The following NPAS2 variants were observed in gnomAD, a reference collection of about 807,000 sequenced individuals.
The protein encoded by NPAS2 is neuronal PAS domain protein 2, also known as neuronal PAS domain-containing protein 2.
Under a neutral mutation model 107.5 loss-of-function variants are expected in NPAS2, and 23 were observed. The ratio of observed to expected loss-of-function variants is 0.21; its 90% confidence interval spans 0.15 to 0.30. The LOEUF is 0.30. NPAS2 is among the 10% of genes least tolerant of loss of function. NPAS2 has a pLI of 1.00. For missense variants in NPAS2, 756 were observed against 1,043.3 expected (o/e 0.72, Z 3.79); for synonymous variants, 403 against 417.5 (o/e 0.97, Z 0.42).
At chr2:100,918,803 G>A (rs1304201107) in intron 2 of NPAS2, among the ~76,000 whole-genome samples, 1 of 152,198 alleles carries the variant, frequency 6.6e-6, no homozygotes, top group Non-Finnish European at 1.5e-5. Flanking sequence ...TGGTAGGGAG[G>A]TAAAATGGCA....
At chr2:100,943,494 A>T (rs141028918) in intron 5 of NPAS2, among the ~76,000 whole-genome samples, 108 of 152,342 alleles carry the variant, frequency 7.1e-4, no homozygotes, top group Non-Finnish European at 1.3e-3. Context: ...GGTAATGCGG[A>T]TGTCTGAAGA....
intron 1 of NPAS2, among the ~76,000 whole-genome samples, chr2:100,851,775 G>A (rs2104476200): frequency 6.6e-6 from 1 of 152,314 alleles, no homozygotes; most frequent in South Asian, 2.1e-4. Flanking sequence ...ATTAATAGTG[G>A]TTGTCTGGGG....
chr2:100,835,030 CATA>C (rs1676971298), intron 1 of NPAS2, among the ~76,000 whole-genome samples: 1 of 152,052 alleles, frequency 6.6e-6, no homozygotes, highest in Non-Finnish European at 1.5e-5. Context: ...ATCATTTTTC[CATA>C]ACAATTTAGG....
In NPAS2 at chr2:100,996,018, G is replaced by A; in HGVS notation, c.*436G>A. Reference sequence around the variant, plus strand: ...AGGACTGGGTCAGAGATCTGTTGGAGAGAGAGAATAAAGAGATTATTTTTC... The same window carrying A: ...AGGACTGGGTCAGAGATCTGTTGGAAAGAGAGAATAAAGAGATTATTTTTC... On this transcript the variant is annotated 3_prime_UTR_variant, in exon 21 of 21. Coordinates refer to ENST00000335681, the MANE Select transcript of NPAS2 (RefSeq NM_002518.4). 2.6e-6 allele frequency: 3 copies of A among 1,146,582 alleles called. No homozygotes were observed. Among genetic ancestry groups the A allele is most frequent in the Non-Finnish European group, 3.4e-6 (3 of 894,954 alleles). The allele number at this position is 1,146,582 out of a possible 1,614,324, so 71.0% of individuals were successfully genotyped here. A position where few individuals can be genotyped will look rare whatever the true frequency, so the allele number is the denominator to read the frequency against.
chr2:100,963,097 G>A (rs539167950), intron 7 of NPAS2, among the ~76,000 whole-genome samples: 40 of 152,354 alleles, frequency 2.6e-4, no homozygotes, highest in South Asian at 1.2e-3. Flanking sequence ...TGTTGTAGGC[G>A]TTGTGTTCCT....
intron 10 of NPAS2, among the ~76,000 whole-genome samples, chr2:100,966,245 T>C (rs1676205905): frequency 6.6e-6 from 1 of 151,976 alleles, no homozygotes; most frequent in Non-Finnish European, 1.5e-5. Flanking sequence ...ATGGGTGACT[T>C]TGTGGGATGT....
chr2:100,957,311 C>T (rs1675627071), intron 7 of NPAS2, among the ~76,000 whole-genome samples: 1 of 152,198 alleles, frequency 6.6e-6, no homozygotes, highest in Non-Finnish European at 1.5e-5. Flanking sequence ...CTATTCTCTT[C>T]CCCTGAAAAG....
chr2:100,826,128 T>C (rs1308713113), intron 1 of NPAS2, among the ~76,000 whole-genome samples: 3 of 152,196 alleles, frequency 2.0e-5, no homozygotes, highest in Non-Finnish European at 4.4e-5. Flanking sequence ...CGCATTTACA[T>C]ATACACACAC....
chr2:100,981,043 G>C (rs1367467127), intron 15 of NPAS2, among the ~76,000 whole-genome samples: 1 of 152,106 alleles, frequency 6.6e-6, no homozygotes, highest in Non-Finnish European at 1.5e-5. Flanking sequence ...GGCACCTGAG[G>C]GTCTCTGCAC....
chr2:100,840,319 T>C (rs1677317682), intron 1 of NPAS2, among the ~76,000 whole-genome samples: 1 of 152,172 alleles, frequency 6.6e-6, no homozygotes, highest in South Asian at 2.1e-4. Context: ...CAGCGAAGAC[T>C]GTAGGTTCCC....
At chr2:100,979,928 C>T (rs547788260) in intron 15 of NPAS2, among the ~76,000 whole-genome samples, 6 of 152,248 alleles carry the variant, frequency 3.9e-5, no homozygotes, top group Non-Finnish European at 7.4e-5. Flanking sequence ...TGTGAAACAA[C>T]GAGATTCTGG....
chr2:100,844,481 G>A (rs540244988), intron 1 of NPAS2, among the ~76,000 whole-genome samples: 2 of 152,246 alleles, frequency 1.3e-5, no homozygotes, highest in Admixed American at 1.3e-4. Context: ...AGGAGGAGGG[G>A]CCCGTGATTC....
chr2:100,852,976 A>G (rs961112821), intron 1 of NPAS2, among the ~76,000 whole-genome samples: 1 of 152,234 alleles, frequency 6.6e-6, no homozygotes, highest in South Asian at 2.1e-4. Context: ...TTAAGTATTA[A>G]ATTAGCAAGC....
chr2:100,892,814 T>C (rs1382630661), intron 1 of NPAS2, among the ~76,000 whole-genome samples: 1 of 152,092 alleles, frequency 6.6e-6, no homozygotes, highest in Non-Finnish European at 1.5e-5. Context: ...TTGGCTCAGG[T>C]TCGAGTAATT....
chr2:100,891,227 A>T (rs1266944659), intron 1 of NPAS2, among the ~76,000 whole-genome samples: 1 of 148,452 alleles, frequency 6.7e-6, no homozygotes, highest in Non-Finnish European at 1.5e-5. Flanking sequence ...ATGAGACTCC[A>T]TCTCAAAAAA....
chr2:100,982,781 G>T (rs1026627740), intron 16 of NPAS2: 3 of 196,732 alleles, frequency 1.5e-5, no homozygotes, highest in Non-Finnish European at 3.1e-5. Flanking sequence ...AAGCAGCTCT[G>T]TTGTTTCTCA....
At position 100,953,732 on chromosome 2, in the gene NPAS2, CCA is replaced by C. The variant is rs751324351; in HGVS notation, c.598+4256_598+4257del. Among the ~76,000 whole-genome samples the C allele has an allele frequency of 2.0e-4, 30 of 152,116 alleles. 1 individual carries two copies. Among genetic ancestry groups the C allele is most frequent in the Non-Finnish European group, 7.3e-5 (5 of 68,034 alleles). On this transcript the variant is annotated intron_variant, in intron 7 of 20. Transcript: ENST00000335681. ...ACAGCCAGACCCTCTAACCCGGAGC[CCA>C]CACTCTTCACCCCAGTGCCTGCTGC...
At position 100,995,414 on chromosome 2, in the gene NPAS2, C is replaced by T. The variant is rs1319840061; in HGVS notation, c.2307C>T (p.Thr769=). Residue 769 remains threonine, a synonymous_variant, in exon 21 of 21, where the codon ACC becomes ACT. Coordinates refer to ENST00000335681, the MANE Select transcript of NPAS2 (RefSeq NM_002518.4). Reference sequence around the variant, plus strand: ...TTTTTTTCTAGGTACAGGCACCAACCTCTTTGCACAGTGAGCAGCAGGACT... The same window carrying T: ...TTTTTTTCTAGGTACAGGCACCAACTTCTTTGCACAGTGAGCAGCAGGACT... ...PQHYLQVQAP[T]SLHSEQQDSL... 5 of 1,613,058 alleles carry T rather than the reference C, an allele frequency of 3.1e-6. No homozygotes were observed. Among genetic ancestry groups the T allele is most frequent in the Non-Finnish European group, 3.4e-6 (4 of 1,179,546 alleles).
At chr2:100,901,497 G>A in intron 1 of NPAS2, 1 of 985,166 alleles carries the variant, frequency 1.0e-6, no homozygotes, top group Non-Finnish European at 1.2e-6. Context: ...AAGAGCCCCA[G>A]AGAGATGAAT....
Sources: allele counts gnomAD v4.1 joint callset (sites outside exome capture counted in the v4.1 genomes callset), GRCh38; gene constraint gnomAD v4.1.1; transcripts MANE v1.5; gene names NCBI Gene and HGNC (gene_info 2026-07-23, HGNC 2026-07-21).